Variants in GGA3 observed in about 807,000 individuals in gnomAD.
GGA3 encodes the protein ADP-ribosylation factor-binding protein GGA3.
In GGA3, 57 loss-of-function variants were observed where a neutral mutation model predicts 77.5. The observed-to-expected ratio is 0.74, with a 90% CI of 0.59 to 0.92. The LOEUF (loss-of-function observed/expected upper bound fraction) is 0.92, where lower values mean the gene tolerates loss of function less well. Among genes scored for constraint, GGA3 ranks in the 40% least tolerant of loss-of-function variants. The pLI is 0.00. For missense variants in GGA3, 970 were observed against 914.9 expected (o/e 1.06, Z -0.78); for synonymous variants, 416 against 383.7 (o/e 1.08, Z -0.98).
intron 4 of GGA3, among the ~76,000 whole-genome samples, chr17:75,244,024 G>A (rs1158011090): frequency 6.6e-6 from 1 of 152,140 alleles, no homozygotes; most frequent in Non-Finnish European, 1.5e-5. Flanking sequence ...AAGACAGAGA[G>A]GCTTCCTTGT....
At chr17:75,242,993 G>C (rs549808212) in intron 6 of GGA3, 70 bp downstream of exon 6, 21 of 1,492,202 alleles carry the variant, frequency 1.4e-5, no homozygotes, top group Admixed American at 6.7e-5. Flanking sequence ...CCGCAGCACA[G>C]TGCAAACCAC....
rs373611431 is a variant in GGA3, at chr17:75,240,796, C to G, written c.1192+16G>C. On this transcript the variant is annotated intron_variant, in intron 11 of 16. Transcript: ENST00000537686. ...CCCTGTCAGGGGATGCCCCTGACGC[C>G]CCCTGTGGGCCGCACCCAAGCAGAG... 3.7e-5 allele frequency: 59 copies of G among 1,598,470 alleles called. No homozygotes were observed. Among genetic ancestry groups the G allele is most frequent in the South Asian group, 2.4e-4 (21 of 89,158 alleles).
chr17:75,246,042 C>T (rs1054890565), intron 3 of GGA3, among the ~76,000 whole-genome samples: 2 of 152,240 alleles, frequency 1.3e-5, no homozygotes, highest in African/African-American at 4.8e-5. Flanking sequence ...TGAACAGACA[C>T]CAGGATCTGC....
At chr17:75,258,825 G>T (rs201429294) in intron 1 of GGA3, among the ~76,000 whole-genome samples, 1 of 148,598 alleles carries the variant, frequency 6.7e-6, no homozygotes, top group East Asian at 2.0e-4. Flanking sequence ...ACCATCTAGT[G>T]TTTTTTTTTT....
At chr17:75,256,028 G>A (rs573346318) in intron 1 of GGA3, among the ~76,000 whole-genome samples, 245 of 152,110 alleles carry the variant, frequency 1.6e-3, no homozygotes, top group African/African-American at 5.4e-3. Flanking sequence ...GAAAACACAC[G>A]TGCTCTCCCT....
chr17:75,237,505 C>T lies in GGA3; in HGVS notation c.*774G>A. 1 of 1,536,020 alleles carries T rather than the reference C, an allele frequency of 6.5e-7. No homozygotes were observed. The highest frequency in any genetic ancestry group is 8.7e-7 in the Non-Finnish European group (1 of 1,146,820). ...GCCTGTCCCCACGGCTGGAGGCACG[C>T]TTTTCCCAGAAAGCTGAGTACCTGC... On this transcript the variant is annotated 3_prime_UTR_variant, in exon 17 of 17. Transcript: ENST00000537686.
At chr17:75,253,668 G>A (rs9900350) in intron 1 of GGA3, among the ~76,000 whole-genome samples, 84,981 of 147,630 alleles carry the variant, frequency 0.58, 20,310 homozygotes, top group East Asian at 0.72. Context: ...CCTTATTTCC[G>A]CACCCCGACC....
In GGA3 at chr17:75,237,384, G is replaced by C; in HGVS notation, c.*895C>G. The C allele has an allele frequency of 9.0e-7, 1 of 1,110,778 alleles. No homozygotes were observed. The highest frequency in any genetic ancestry group is 1.3e-5 in the South Asian group (1 of 75,420). 68.8% of individuals were successfully genotyped at this position (1,110,778 alleles called of 1,614,324 possible). On this transcript the variant is annotated 3_prime_UTR_variant, in exon 17 of 17. Transcript: ENST00000537686. ...CACCACATGCCATCTGGTGAGAGGA[G>C]AGGGAGGCCAAAGCAGTAGGATGTA...
chr17:75,247,378 T>A (rs2076796863), intron 1 of GGA3, among the ~76,000 whole-genome samples: 1 of 152,036 alleles, frequency 6.6e-6, no homozygotes, highest in Admixed American at 6.6e-5. Context: ...TTCTCCTGCC[T>A]CAGCCTCCCA....
intron 1 of GGA3, among the ~76,000 whole-genome samples, chr17:75,260,999 C>G (rs973770275): frequency 6.6e-6 from 1 of 152,216 alleles, no homozygotes; most frequent in African/African-American, 2.4e-5. Context: ...TCTCTGTTCT[C>G]TATCATCGCT....
chr17:75,239,169 G>C (rs1477675772), intron 14 of GGA3, 86 bp from the exon 15 acceptor site: 1 of 1,293,816 alleles, frequency 7.7e-7, no homozygotes, highest in Non-Finnish European at 1.1e-6. Context: ...GGGCTACTCC[G>C]TGGTCATGAT....
intron 1 of GGA3, among the ~76,000 whole-genome samples, chr17:75,260,604 G>A (rs1301237061): frequency 2.6e-5 from 4 of 152,098 alleles, no homozygotes; most frequent in African/African-American, 7.2e-5. Context: ...CCAAGATCCC[G>A]GAAGCAGTAC....
chr17:75,259,137 G>A (rs2077258444), intron 1 of GGA3, among the ~76,000 whole-genome samples: 1 of 151,798 alleles, frequency 6.6e-6, no homozygotes, highest in Admixed American at 6.6e-5. Flanking sequence ...GTATTTTTTA[G>A]TAGAGACGGG....
chr17:75,240,797 C>T lies in GGA3; in HGVS notation c.1192+15G>A. ...CCTGTCAGGGGATGCCCCTGACGCCCCCTGTGGGCCGCACCCAAGCAGAGT... is the reference window on the plus strand; with the variant it reads ...CCTGTCAGGGGATGCCCCTGACGCCTCCTGTGGGCCGCACCCAAGCAGAGT... On this transcript the variant is annotated intron_variant, in intron 11 of 16. Transcript: ENST00000537686. 6.3e-7 allele frequency: 1 copy of T among 1,599,670 alleles called. No homozygotes were observed. Among genetic ancestry groups the T allele is most frequent in the Non-Finnish European group, 8.5e-7 (1 of 1,174,352 alleles).
Position 75,241,942 on chromosome 17 carries a change from C to G in GGA3, c.748-246G>C. On this transcript the variant is annotated intron_variant, in intron 8 of 16. Coordinates refer to ENST00000537686, the MANE Select transcript of GGA3 (RefSeq NM_138619.4). ...GGGGAAGTCAGTCCCCTCCTGCCTT[C>G]CAGGCTGGCATGTTCCTCAGAACTC... The G allele has an allele frequency of 5.2e-6, 3 of 572,762 alleles. No individual in the cohort carries two copies. In the East Asian group the frequency reaches 8.8e-5, roughly 17 times the overall value. 35.5% of individuals were successfully genotyped at this position (572,762 alleles called of 1,614,324 possible).
chr17:75,253,007 TCACA>T (rs1483203531), intron 1 of GGA3, among the ~76,000 whole-genome samples: 1 of 152,248 alleles, frequency 6.6e-6, no homozygotes, highest in African/African-American at 2.4e-5. Context: ...GCCATGTTGC[TCACA>T]CAAAGCCTGT....
At chr17:75,247,332 G>A (rs1420624914) in intron 1 of GGA3, among the ~76,000 whole-genome samples, 4 of 150,862 alleles carry the variant, frequency 2.7e-5, no homozygotes, top group African/African-American at 7.3e-5. Context: ...GCACGATCTC[G>A]GCTCATTGCA....
intron 15 of GGA3, 66 bp downstream of exon 15, chr17:75,238,848 G>C: frequency 6.3e-7 from 1 of 1,583,966 alleles, no homozygotes; most frequent in Non-Finnish European, 8.6e-7. Context: ...CCACCTGCTG[G>C]CTGCAAAGGC....
intron 12 of GGA3, 46 bp from the exon 13 acceptor site, chr17:75,240,154 G>GGGGGGGGGGGGGGTGGC: frequency 2.1e-6 from 1 of 465,518 alleles, no homozygotes; most frequent in Non-Finnish European, 4.2e-6. Flanking sequence ...GGTGGGGAGG[G>GGGGGGGGGGGGGGTGGC]CCTGCCGCTG....
Sources: gnomAD v4.1 joint callset for allele counts (sites outside exome capture counted in the v4.1 genomes callset) on GRCh38, gnomAD v4.1.1 for gene constraint, MANE v1.5 for transcripts, NCBI Gene and HGNC (gene_info 2026-07-23, HGNC 2026-07-21) for gene names.